EPHA5: variants seen among roughly 807,000 people sequenced by gnomAD.
EPHA5 encodes the protein EPH receptor A5, also known as ephrin type-A receptor 5.
EPHA5 carries 60 observed loss-of-function variants against 105.0 expected under a neutral mutation model. The ratio of observed to expected loss-of-function variants is 0.57; its 90% confidence interval spans 0.46 to 0.71. The LOEUF is 0.71. EPHA5 is among the 30% of genes least tolerant of loss of function. The pLI, the probability that EPHA5 is intolerant of heterozygous loss-of-function variation, is 0.00. For missense variants in EPHA5, 1,218 were observed against 1,274.7 expected, an observed-to-expected ratio of 0.96 and a Z score of 0.68; for synonymous variants, 513 against 449.1, an observed-to-expected ratio of 1.14 and a Z score of -1.80.
chr4:65,669,595 G>A lies in EPHA5; in HGVS notation c.148C>T (p.Leu50Phe), dbSNP rs1030234143. 40 of 1,434,988 alleles carry A rather than the reference G, an allele frequency of 2.8e-5. No individual in the cohort carries two copies. The highest frequency in any genetic ancestry group is 3.7e-5 in the Non-Finnish European group (40 of 1,089,472). 88.9% of individuals were successfully genotyped at this position (1,434,988 alleles called of 1,614,324 possible). Residue 50 changes from leucine (L) to phenylalanine (F), a missense_variant, in exon 1 of 17, where the codon CTC (leucine) becomes TTC (phenylalanine). Around this residue, in one of 3 missense-constraint regions of EPHA5, gnomAD observed 233 missense variants for 227.5 expected, o/e 1.02. Transcript: ENST00000613740. ...LWTCLLLCAA[L>F]RTLLASPSNE... The stretch of plus-strand genomic sequence containing the variant: ...CTGGGGCTGGCCAGGAGGGTCCGGA[G>A]TGCGGCGCACAGGAGAAGGCACGTC...
At position 65,384,357 on chromosome 4, in the gene EPHA5, T is replaced by C. The variant is rs574035583; in HGVS notation, c.1794-16933A>G. Reference sequence around the variant, plus strand: ...CAATTTGTTCCAAATACTCACAATCTATAGCAACTGGTCCAAGAAGTCAAA... The same window carrying C: ...CAATTTGTTCCAAATACTCACAATCCATAGCAACTGGTCCAAGAAGTCAAA... On this transcript the variant is annotated intron_variant, in intron 8 of 16. Transcript: ENST00000613740. Among the ~76,000 whole-genome samples the C allele has an allele frequency of 2.6e-5, 4 of 152,100 alleles. No homozygotes were observed. The East Asian group carries it at 7.8e-4, about 30-fold the overall frequency.
At chr4:65,473,236 C>G (rs1025724092) in intron 5 of EPHA5, among the ~76,000 whole-genome samples, 1 of 152,162 alleles carries the variant, frequency 6.6e-6, no homozygotes, top group African/African-American at 2.4e-5. Flanking sequence ...TACATCTTAC[C>G]TTCGTCTTCT....
At chr4:65,488,917 G>A (rs553321661) in intron 5 of EPHA5, among the ~76,000 whole-genome samples, 2 of 115,934 alleles carry the variant, frequency 1.7e-5, no homozygotes, top group South Asian at 2.8e-4. Flanking sequence ...ACGGAGTCTC[G>A]CTCTGTTGCC....
intron 14 of EPHA5, 26 bp from the exon 15 acceptor site, chr4:65,336,151 A>ACC: frequency 6.4e-7 from 1 of 1,552,000 alleles, no homozygotes; most frequent in South Asian, 1.2e-5. Context: ...CAGAACCAGC[A>ACC]CCCCAACACC....
intron 1 of EPHA5, among the ~76,000 whole-genome samples, chr4:65,668,609 G>T (rs1750167274): frequency 6.6e-6 from 1 of 152,032 alleles, no homozygotes; most frequent in Non-Finnish European, 1.5e-5. Flanking sequence ...AGAGGCAGGC[G>T]GACAGAGGGG....
intron 5 of EPHA5, among the ~76,000 whole-genome samples, chr4:65,486,499 C>A (rs1200806981): frequency 6.6e-6 from 1 of 152,080 alleles, no homozygotes; most frequent in Non-Finnish European, 1.5e-5. Context: ...AAAATATCAA[C>A]ACAACTGTTG....
chr4:65,660,155 T>A (rs756874376), intron 1 of EPHA5, among the ~76,000 whole-genome samples: 1 of 152,152 alleles, frequency 6.6e-6, no homozygotes, highest in Non-Finnish European at 1.5e-5. Flanking sequence ...TATTTCTTGA[T>A]ATGATTTGTG....
chr4:65,342,961 A>G (rs1047249644), intron 14 of EPHA5, among the ~76,000 whole-genome samples: 2 of 152,042 alleles, frequency 1.3e-5, no homozygotes, highest in Non-Finnish European at 2.9e-5. Context: ...AAAAGAAAGC[A>G]CAGAATCTGA....
At chr4:65,375,905 T>A (rs1265984042) in intron 8 of EPHA5, among the ~76,000 whole-genome samples, 2 of 151,914 alleles carry the variant, frequency 1.3e-5, no homozygotes, top group African/African-American at 4.8e-5. Context: ...GAATTTCCCA[T>A]GTAAGTTATT....
In EPHA5 at chr4:65,624,670, A is replaced by G. The variant is rs1198850135; in HGVS notation, c.246+18693T>C. On this transcript the variant is annotated intron_variant, in intron 2 of 16. Coordinates refer to ENST00000613740, the MANE Select transcript of EPHA5 (RefSeq NM_001281766.3). ...CCTCAATTCTCTGACTGAATGTTAC[A>G]AAACTCTCTATTGGATTTATCCCAG... Among the ~76,000 whole-genome samples the G allele has an allele frequency of 2.0e-5, 3 of 152,202 alleles. No individual in the cohort carries two copies. The East Asian group carries it at 5.8e-4, about 29-fold the overall frequency.
At chr4:65,655,599 A>G (rs1748986423) in intron 1 of EPHA5, among the ~76,000 whole-genome samples, 1 of 152,150 alleles carries the variant, frequency 6.6e-6, no homozygotes, top group African/African-American at 2.4e-5. Flanking sequence ...GTCAGTACAC[A>G]TCTCACTTTA....
At chr4:65,587,589 C>A (rs1001351524) in intron 3 of EPHA5, among the ~76,000 whole-genome samples, 1 of 152,066 alleles carries the variant, frequency 6.6e-6, no homozygotes, top group African/African-American at 2.4e-5. Context: ...GTGCCCCGAC[C>A]CCCATCTGGA....
At chr4:65,451,529 G>T (rs1320711299) in intron 5 of EPHA5, among the ~76,000 whole-genome samples, 2 of 152,098 alleles carry the variant, frequency 1.3e-5, no homozygotes, top group African/African-American at 4.8e-5. Context: ...TCAAAGGATA[G>T]AATTACACTT....
At chr4:65,643,180 C>A (rs1248184064) in intron 2 of EPHA5, among the ~76,000 whole-genome samples, 183 bp downstream of exon 2, 2 of 151,898 alleles carry the variant, frequency 1.3e-5, no homozygotes, top group Non-Finnish European at 2.9e-5. Flanking sequence ...TCACTGAAAG[C>A]CCTTCCCTAG....
At chr4:65,576,082 A>G (rs543064532) in intron 3 of EPHA5, among the ~76,000 whole-genome samples, 13 of 98,826 alleles carry the variant, frequency 1.3e-4, no homozygotes, top group African/African-American at 4.8e-4. Flanking sequence ...AGAAAAGAAA[A>G]GAAAAGAAAA....
At chr4:65,553,403 T>C (rs188757967) in intron 3 of EPHA5, among the ~76,000 whole-genome samples, 3 of 152,210 alleles carry the variant, frequency 2.0e-5, no homozygotes, top group Admixed American at 6.6e-5. Flanking sequence ...TTATGTTTTC[T>C]CCACCTAACA....
At chr4:65,567,505 C>T (rs1464308713) in intron 3 of EPHA5, among the ~76,000 whole-genome samples, 3 of 151,382 alleles carry the variant, frequency 2.0e-5, no homozygotes, top group Non-Finnish European at 4.4e-5. Flanking sequence ...GACAAGGGCT[C>T]TGACAAGAAA....
chr4:65,332,619 G>A lies in EPHA5; in HGVS notation c.2790-491C>T, dbSNP rs1300420803. 4.0e-5 allele frequency among the ~76,000 whole-genome samples: 6 copies of A among 151,412 alleles called. No individual in the cohort carries two copies. In the East Asian group the frequency reaches 7.8e-4, roughly 20 times the overall value. On this transcript the variant is annotated intron_variant, in intron 15 of 16. Coordinates refer to ENST00000613740, the MANE Select transcript of EPHA5 (RefSeq NM_001281766.3). The stretch of plus-strand genomic sequence containing the variant: ...CGGTTGATGCTGGTAATGGGGTGGT[G>A]GGGGGTGGGGGAAGGCTACATATGT...
At chr4:65,408,135 C>A (rs555842185) in intron 7 of EPHA5, among the ~76,000 whole-genome samples, 1 of 152,072 alleles carries the variant, frequency 6.6e-6, no homozygotes, top group East Asian at 1.9e-4. Context: ...GACCTGAGGG[C>A]ATTAATGATA....
Sources: allele counts gnomAD v4.1 joint callset (sites outside exome capture counted in the v4.1 genomes callset), GRCh38; gene constraint gnomAD v4.1.1; regional missense constraint gnomAD v4.1.1; transcripts MANE v1.5; gene names NCBI Gene and HGNC (gene_info 2026-07-23, HGNC 2026-07-21).